Variants in INPP4A observed in about 807,000 individuals in gnomAD.
The protein encoded by INPP4A is inositol polyphosphate-4-phosphatase type I A.
A neutral mutation model predicts 119.8 loss-of-function variants in INPP4A; 33 were observed. The ratio of observed to expected loss-of-function variants is 0.28; its 90% confidence interval spans 0.21 to 0.37. The LOEUF (loss-of-function observed/expected upper bound fraction) is 0.37, where lower values mean the gene tolerates loss of function less well. Among genes scored for constraint, INPP4A ranks in the 10% least tolerant of loss-of-function variants. The probability of loss-of-function intolerance (pLI) is 1.00; values close to 1 mark genes in which losing one functional copy is unlikely to be tolerated. For missense variants in INPP4A, 956 were observed against 1,289.9 expected, an observed-to-expected ratio of 0.74 and a Z score of 3.97; for synonymous variants, 496 against 500.7, an observed-to-expected ratio of 0.99 and a Z score of 0.12.
intron 1 of INPP4A, among the ~76,000 whole-genome samples, chr2:98,455,802 CA>C (rs1696041759): frequency 6.6e-6 from 1 of 152,210 alleles, no homozygotes; most frequent in Non-Finnish European, 1.5e-5. Context: ...CTCCCCTCTG[CA>C]GTGATTCAGC....
rs1690136526 is a variant in INPP4A, at chr2:98,535,712, T to A, written c.271-17T>A. On this transcript the variant is annotated splice_polypyrimidine_tract_variant and intron_variant, in intron 5 of 24. Transcript: ENST00000409851. ...AAATCCAACCCTGTGTTCTGATTAT[T>A]TCCTTTTCTGTTCTAGGGAACCAAC... The A allele has an allele frequency of 8.3e-7, 1 of 1,198,516 alleles. No individual in the cohort carries two copies. The highest frequency in any genetic ancestry group is 1.5e-5 in the African/African-American group (1 of 66,382). 74.2% of individuals were successfully genotyped at this position (1,198,516 alleles called of 1,614,324 possible).
chr2:98,592,734 T>C lies in INPP4A; in HGVS notation c.*5126T>C, dbSNP rs1700457286. 1 of 152,432 alleles carries C rather than the reference T, an allele frequency of 6.6e-6. No individual in the cohort carries two copies. The highest frequency in any genetic ancestry group is 2.4e-5 in the African/African-American group (1 of 41,480). The allele number at this position is 152,432 out of a possible 1,614,324, so 9.4% of individuals were successfully genotyped here. On this transcript the variant is annotated 3_prime_UTR_variant, in exon 25 of 25. Coordinates refer to ENST00000409851, the MANE Select transcript of INPP4A (RefSeq NM_001134225.2). ...GGCTGTCTGCTCCCAATAGTGGCCC[T>C]GGCTGCAACTGACCTCCTGATGCCC...
rs868390483 is a variant in INPP4A, at chr2:98,554,430, C to T, written c.1507C>T (p.Arg503Trp). The part of the protein sequence containing the change: ...LRNDQDTLMA[R>W]WTGRNSRSSL... ...AAATGACCAGGACACCCTCATGGCC[C>T]GGTGGACAGGGAGAAACAGCCGATC... Residue 503 changes from arginine (R) to tryptophan (W), a missense_variant, in exon 15 of 25, where the codon CGG (arginine) becomes TGG (tryptophan). Arg to Trp is a moderately radical substitution (Grantham distance 101). Around this residue, in one of 2 missense-constraint regions of INPP4A, gnomAD observed 652 missense variants for 797.9 expected, o/e 0.82. Coordinates refer to ENST00000409851, the MANE Select transcript of INPP4A (RefSeq NM_001134225.2). This position sits in a 1 kb window ranked among gnomAD's most constrained non-coding sequence, Gnocchi z 4.7. 18 of 1,613,796 alleles carry T rather than the reference C, an allele frequency of 1.1e-5. No homozygotes were observed. The highest frequency in any genetic ancestry group is 1.6e-4 in the Middle Eastern group (1 of 6,074).
chr2:98,465,834 C>T (rs187199534), intron 1 of INPP4A, among the ~76,000 whole-genome samples: 9 of 152,198 alleles, frequency 5.9e-5, no homozygotes, highest in East Asian at 5.8e-4. Flanking sequence ...TTTTTCCTCC[C>T]GGCTCCACCC....
intron 1 of INPP4A, among the ~76,000 whole-genome samples, chr2:98,456,000 C>G (rs540031477): frequency 6.6e-6 from 1 of 152,194 alleles, no homozygotes; most frequent in South Asian, 2.1e-4. Context: ...CCTTTGCAGA[C>G]AGTCCCCCAG....
At chr2:98,568,215 A>G (rs1696815624) in intron 21 of INPP4A, among the ~76,000 whole-genome samples, 1 of 151,994 alleles carries the variant, frequency 6.6e-6, no homozygotes, top group Non-Finnish European at 1.5e-5. Flanking sequence ...TCTCAGCCAT[A>G]CCTCACTGCC....
chr2:98,535,998 C>T, intron 6 of INPP4A, 131 bp from the exon 7 acceptor site: 1 of 717,542 alleles, frequency 1.4e-6, no homozygotes. Flanking sequence ...GTTAAGCTTT[C>T]CCATTGGGCT....
At chr2:98,538,114 G>T (rs535982699) in intron 8 of INPP4A, 140 bp downstream of exon 8, 1 of 615,536 alleles carries the variant, frequency 1.6e-6, no homozygotes, top group Non-Finnish European at 2.9e-6. Flanking sequence ...CGGACACTCC[G>T]GTCCTCCTTA....
chr2:98,507,218 C>T (rs1247398180), intron 1 of INPP4A, among the ~76,000 whole-genome samples: 3 of 152,136 alleles, frequency 2.0e-5, no homozygotes, highest in African/African-American at 7.2e-5. Context: ...GTAAAACAGC[C>T]CATCCCATCC....
chr2:98,466,408 A>C (rs1283382340), intron 1 of INPP4A, among the ~76,000 whole-genome samples: 1 of 152,252 alleles, frequency 6.6e-6, no homozygotes, highest in Non-Finnish European at 1.5e-5. Flanking sequence ...TGTTGGCTCA[A>C]GGGGGTGACA....
At chr2:98,552,634 C>T (rs753928777) in intron 13 of INPP4A, 152 bp from the exon 14 acceptor site, 38 of 754,816 alleles carry the variant, frequency 5.0e-5, no homozygotes, top group Non-Finnish European at 8.0e-5. Context: ...CTAAGATATA[C>T]TTTGCTCATC....
At chr2:98,548,143 G>A (rs867937642) in intron 13 of INPP4A, among the ~76,000 whole-genome samples, 4 of 152,276 alleles carry the variant, frequency 2.6e-5, no homozygotes, top group Middle Eastern at 3.4e-3. Flanking sequence ...ACGGAAGAGC[G>A]TACCCTGTGA....
In INPP4A at chr2:98,554,313, A is replaced by G. The variant is rs948426426; in HGVS notation, c.1390A>G (p.Asn464Asp). 3 of 1,612,022 alleles carry G rather than the reference A, an allele frequency of 1.9e-6. No homozygotes were observed. Among genetic ancestry groups the G allele is most frequent in the Admixed American group, 3.3e-5 (2 of 59,758 alleles). ...VTVCDCKLLANSIHGLNAARP... is the reference protein window; with the variant it reads ...VTVCDCKLLADSIHGLNAARP... ...GGTCTGCGACTGCAAGCTCCTGGCC[A>G]ACTCCATCCATGGGCTGAACGCTGC... Residue 464 changes from asparagine (N) to aspartate (D), a missense_variant, in exon 15 of 25, where the codon AAC becomes GAC. Coordinates refer to ENST00000409851, the MANE Select transcript of INPP4A (RefSeq NM_001134225.2). This position sits in a 1 kb window ranked among gnomAD's most constrained non-coding sequence, Gnocchi z 4.7.
rs745843921 is a variant in INPP4A at position 98,570,857 on chromosome 2, C to T, written c.2519-1958C>T. 3.9e-5 allele frequency among the ~76,000 whole-genome samples: 6 copies of T among 152,014 alleles called. No individual in the cohort carries two copies. The highest frequency in any genetic ancestry group is 7.2e-5 in the African/African-American group (3 of 41,396). ...AACATGAGAGAGGTGAGCACAGAAC[C>T]GGGGCCTTGAGGGGAGTGGAGGTGA... On this transcript the variant is annotated intron_variant, in intron 22 of 24. Transcript: ENST00000409851. This position sits in a 1 kb window ranked among gnomAD's most constrained non-coding sequence, Gnocchi z 4.3.
intron 1 of INPP4A, among the ~76,000 whole-genome samples, chr2:98,465,169 C>T (rs1361403495): frequency 6.6e-6 from 1 of 152,222 alleles, no homozygotes; most frequent in Non-Finnish European, 1.5e-5. Flanking sequence ...ACTGTTCTGG[C>T]CTCCAGAATC....
chr2:98,590,804 A>G lies in INPP4A; in HGVS notation c.*3196A>G, dbSNP rs1445695954. On this transcript the variant is annotated 3_prime_UTR_variant, in exon 25 of 25. Transcript: ENST00000409851. ...ATGTTTAACTCTTGGAGTTTTTAGTATTACCAAACTCCTAGAAATTTAAGC... is the reference window on the plus strand; with the variant it reads ...ATGTTTAACTCTTGGAGTTTTTAGTGTTACCAAACTCCTAGAAATTTAAGC... 2 of 227,834 alleles carry G rather than the reference A, an allele frequency of 8.8e-6. No individual in the cohort carries two copies. Among genetic ancestry groups the G allele is most frequent in the African/African-American group, 4.4e-5 (2 of 45,054 alleles). 14.1% of individuals were successfully genotyped at this position (227,834 alleles called of 1,614,324 possible).
Position 98,580,973 on chromosome 2 carries a change from C to G in INPP4A, c.2786+3830C>G, listed in dbSNP as rs1055676466. Among the ~76,000 whole-genome samples, 5 of 152,302 alleles carry G rather than the reference C, an allele frequency of 3.3e-5. No individual in the cohort carries two copies. In the South Asian group the frequency reaches 1.0e-3, roughly 32 times the overall value. Reference sequence around the variant, plus strand: ...AACTTGCAAAGATGGAAACAGCAGTCGCTCATGCCTGCCACTGCTGAGCCT... The same window carrying G: ...AACTTGCAAAGATGGAAACAGCAGTGGCTCATGCCTGCCACTGCTGAGCCT... On this transcript the variant is annotated intron_variant, in intron 24 of 24. Coordinates refer to ENST00000409851, the MANE Select transcript of INPP4A (RefSeq NM_001134225.2).
intron 1 of INPP4A, among the ~76,000 whole-genome samples, chr2:98,502,381 A>G (rs1160000904): frequency 1.3e-5 from 2 of 152,184 alleles, no homozygotes; most frequent in East Asian, 3.9e-4. Context: ...ATACTTCTAA[A>G]AAATGAATTC....
intron 1 of INPP4A, among the ~76,000 whole-genome samples, chr2:98,478,661 C>A (rs144100397): frequency 6.6e-6 from 1 of 152,240 alleles, no homozygotes; most frequent in East Asian, 1.9e-4. Context: ...GTCCCTGCCC[C>A]AGCTGGGGAG....
Sources: allele counts gnomAD v4.1 joint callset (sites outside exome capture counted in the v4.1 genomes callset), GRCh38; gene constraint gnomAD v4.1.1; regional missense constraint gnomAD v4.1.1; non-coding constraint Gnocchi (gnomAD v3.1); transcripts MANE v1.5; gene names NCBI Gene and HGNC (gene_info 2026-07-23, HGNC 2026-07-21).